Variants in PLAA observed in about 807,000 individuals in gnomAD.
The protein encoded by PLAA is phospholipase A-2-activating protein.
Under a neutral mutation model 84.1 loss-of-function variants are expected in PLAA, and 48 were observed. That is an observed-to-expected ratio of 0.57 (90% confidence interval 0.45 to 0.73). The LOEUF is 0.73. Ranked by LOEUF, PLAA falls within the 30% of genes least tolerant of loss-of-function variation. The pLI, the probability that PLAA is intolerant of heterozygous loss-of-function variation, is 0.00. For missense variants in PLAA, 903 were observed against 954.7 expected (o/e 0.95, Z 0.71); for synonymous variants, 392 against 336.6 (o/e 1.16, Z -1.80).
intron 1 of PLAA, among the ~76,000 whole-genome samples, chr9:26,936,260 A>T (rs1825355093): frequency 6.6e-6 from 1 of 152,180 alleles, no homozygotes; most frequent in Non-Finnish European, 1.5e-5. Flanking sequence ...GAAAAAAAAA[A>T]TACATGAATA....
At chr9:26,908,153 C>T (rs573086566) in intron 12 of PLAA, among the ~76,000 whole-genome samples, 155 bp from the exon 13 acceptor site, 1 of 150,872 alleles carries the variant, frequency 6.6e-6, no homozygotes, top group Admixed American at 6.6e-5. Flanking sequence ...AAGGATAAGG[C>T]TTATGAGCTT....
At chr9:26,939,049 C>T (rs1825442221) in intron 1 of PLAA, among the ~76,000 whole-genome samples, 1 of 152,046 alleles carries the variant, frequency 6.6e-6, no homozygotes, top group Non-Finnish European at 1.5e-5. Flanking sequence ...GGTAAACACA[C>T]ACAAAAATAG....
At chr9:26,935,412 A>C (rs537282567) in intron 1 of PLAA, among the ~76,000 whole-genome samples, 4 of 152,324 alleles carry the variant, frequency 2.6e-5, no homozygotes, top group African/African-American at 7.2e-5. Context: ...AAGTTTGTTT[A>C]GTGTTTCTTT....
At chr9:26,937,396 A>G (rs1372388635) in intron 1 of PLAA, among the ~76,000 whole-genome samples, 2 of 152,196 alleles carry the variant, frequency 1.3e-5, no homozygotes, top group African/African-American at 4.8e-5. Flanking sequence ...ACACAAAAAC[A>G]TAACAAAAAA....
intron 1 of PLAA, among the ~76,000 whole-genome samples, chr9:26,942,845 C>G (rs1348476424): frequency 7.1e-6 from 1 of 141,764 alleles, no homozygotes; most frequent in African/African-American, 2.6e-5. Context: ...CGCCACTGCA[C>G]TCCGGCCTGG....
rs150012469 is a variant in PLAA, at chr9:26,913,938, C to A, written c.1496G>T (p.Arg499Leu). Residue 499 changes from arginine (R) to leucine (L), a missense_variant, in exon 11 of 14, where the codon CGT becomes CTT. Arg to Leu is a moderately radical substitution (Grantham distance 102). Transcript: ENST00000397292. ...CATACTTGCAGAACCTGGTACATAA[C>A]GACCAGCACCTACAATACAATAATA... The part of the protein sequence containing the change: ...PTADPFTGAG[R>L]YVPGSASMGT... 6.2e-6 allele frequency: 10 copies of A among 1,609,664 alleles called. No individual in the cohort carries two copies. The African/African-American group carries it at 1.3e-4, about 22-fold the overall frequency.
chr9:26,924,765 A>C (rs1167539952), intron 6 of PLAA, among the ~76,000 whole-genome samples: 1 of 152,192 alleles, frequency 6.6e-6, no homozygotes, highest in African/African-American at 2.4e-5. Flanking sequence ...GGTATATCAT[A>C]AAACTTAGTT....
chr9:26,918,408 G>A (rs1001990098), intron 9 of PLAA, among the ~76,000 whole-genome samples: 5 of 151,142 alleles, frequency 3.3e-5, no homozygotes, highest in East Asian at 3.9e-4. Context: ...GATTACAGGC[G>A]TCAGCCACCA....
Position 26,919,308 on chromosome 9 carries a change from A to G in PLAA, c.1417+2T>C. On this transcript the variant is annotated splice_donor_variant, in intron 9 of 13. Transcript: ENST00000397292. LOFTEE classifies it high-confidence loss of function. ...TAAGACTCAATATAAACACTAACTT[A>G]CCTGTAAATGGATCTGAAAAGCTGG... 4 of 1,590,758 alleles carry G rather than the reference A, an allele frequency of 2.5e-6. No homozygotes were observed. The East Asian group carries it at 9.0e-5, about 36-fold the overall frequency.
In PLAA at chr9:26,905,548, ACT is replaced by A. The variant is rs1491548174; in HGVS notation, c.2349_2350del (p.Lys783AsnfsTer3). 6.2e-7 allele frequency: 1 copy of A among 1,613,270 alleles called. No individual in the cohort carries two copies. Among genetic ancestry groups the A allele is most frequent in the Non-Finnish European group, 8.5e-7 (1 of 1,179,800 alleles). On this transcript the variant is annotated frameshift_variant, in exon 14 of 14. Coordinates refer to ENST00000397292, the MANE Select transcript of PLAA (RefSeq NM_001031689.3). LOFTEE classifies it high-confidence loss of function. ...TAGGATAAATCTACAGCATTCACTT[ACT>A]TTAGCTGGTTCTGATACTGAGGAAT...
chr9:26,907,416 C>T (rs1372052127), intron 13 of PLAA, among the ~76,000 whole-genome samples: 1 of 152,060 alleles, frequency 6.6e-6, no homozygotes, highest in Non-Finnish European at 1.5e-5. Flanking sequence ...ATAGTCCCAG[C>T]TACTAAGGAG....
chr9:26,914,377 T>C (rs937884981), intron 10 of PLAA, among the ~76,000 whole-genome samples: 6 of 152,054 alleles, frequency 3.9e-5, no homozygotes, highest in South Asian at 2.1e-4. Flanking sequence ...GGCTGTCCTA[T>C]TGAAAATAGA....
intron 1 of PLAA, among the ~76,000 whole-genome samples, chr9:26,942,809 G>A (rs1825581178): frequency 6.6e-6 from 1 of 151,158 alleles, no homozygotes; most frequent in South Asian, 2.1e-4. Context: ...AACCCGGGAG[G>A]CGGGGCTTGC....
chr9:26,920,215 A>G lies in PLAA; in HGVS notation c.1197+12T>C. 3.1e-6 allele frequency: 5 copies of G among 1,607,532 alleles called. No homozygotes were observed. The highest frequency in any genetic ancestry group is 4.3e-6 in the Non-Finnish European group (5 of 1,174,410). On this transcript the variant is annotated intron_variant, in intron 8 of 13. Transcript: ENST00000397292. The stretch of plus-strand genomic sequence containing the variant: ...TAAGACAATAGTAATTAGAAAGTAG[A>G]AGTCGACATACTTTCCCTTCATATA...
At position 26,917,122 on chromosome 9, in the gene PLAA, T is replaced by C. The variant is rs1016853283; in HGVS notation, c.1461A>G (p.Thr487=). The change falls in exon 10 of 14, where the codon ACA becomes ACG. Residue 487 remains threonine, a synonymous_variant. Transcript: ENST00000397292. ...CTGTAAAAGGATCTGCTGTGGGTAG[T>C]GTGTTAGAAGATCCCGAAGAGCCCG... ...YVPGSSGSSN[T]LPTADPFTGA... 2 of 1,613,864 alleles carry C rather than the reference T, an allele frequency of 1.2e-6. No individual in the cohort carries two copies. The highest frequency in any genetic ancestry group is 1.7e-6 in the Non-Finnish European group (2 of 1,179,842).
At chr9:26,907,606 G>A (rs2131363524) in intron 13 of PLAA, 2 of 443,206 alleles carry the variant, frequency 4.5e-6, no homozygotes, top group Non-Finnish European at 7.8e-6. Context: ...AAACAAACTG[G>A]TGCATATATG....
chr9:26,934,941 T>C (rs1825311329), intron 2 of PLAA, 72 bp downstream of exon 2: 1 of 1,113,606 alleles, frequency 9.0e-7, no homozygotes, highest in African/African-American at 1.6e-5. Context: ...CTTGAGAAAA[T>C]GGATATGTAA....
intron 9 of PLAA, among the ~76,000 whole-genome samples, chr9:26,918,505 TGAG>T (rs981996444): frequency 5.9e-5 from 9 of 152,026 alleles, no homozygotes; most frequent in African/African-American, 1.7e-4. Context: ...TGAAGTAGAA[TGAG>T]GAGATAATTT....
chr9:26,919,500 G>T lies in PLAA; in HGVS notation c.1227C>A (p.Val409=). The part of the protein sequence containing the change: ...KEFDYVFSID[V]NEGGPSYKLP... The stretch of plus-strand genomic sequence containing the variant: ...ATTTATATGATGGTCCACCTTCATT[G>T]ACATCAATTGAGAAAACATAATCAA... Residue 409 remains valine (V), a synonymous_variant, in exon 9 of 14, where the codon GTC becomes GTA. Coordinates refer to ENST00000397292, the MANE Select transcript of PLAA (RefSeq NM_001031689.3). The T allele has an allele frequency of 6.2e-7, 1 of 1,601,822 alleles. No individual in the cohort carries two copies.
Sources: gnomAD v4.1 joint callset for allele counts (sites outside exome capture counted in the v4.1 genomes callset) on GRCh38, gnomAD v4.1.1 for gene constraint, MANE v1.5 for transcripts, NCBI Gene and HGNC (gene_info 2026-07-23, HGNC 2026-07-21) for gene names.